SLC36A1: variants seen among roughly 807,000 people sequenced by gnomAD.
SLC36A1 encodes the protein solute carrier family 36 member 1, also known as proton-coupled amino acid transporter 1.
A neutral mutation model predicts 47.5 loss-of-function variants in SLC36A1; 30 were observed. The observed-to-expected ratio is 0.63, with a 90% CI of 0.47 to 0.86. The LOEUF (loss-of-function observed/expected upper bound fraction) is 0.86, where lower values mean the gene tolerates loss of function less well. SLC36A1 is among the 40% of genes least tolerant of loss of function. The probability of loss-of-function intolerance (pLI) is 0.00; values close to 1 mark genes in which losing one functional copy is unlikely to be tolerated. For missense variants in SLC36A1, 517 were observed against 606.0 expected, an observed-to-expected ratio of 0.85 and a Z score of 1.54; for synonymous variants, 255 against 249.7, an observed-to-expected ratio of 1.02 and a Z score of -0.20.
intron 10 of SLC36A1, among the ~76,000 whole-genome samples, chr5:151,486,866 T>C (rs1257452055): frequency 5.3e-5 from 8 of 152,196 alleles, no homozygotes; most frequent in African/African-American, 1.7e-4. Context: ...GATGTACTTT[T>C]CATGGCCAAA....
At chr5:151,509,710 G>C in the SLC36A1 span, 1 of 253,542 alleles carries the variant, frequency 3.9e-6, no homozygotes, top group East Asian at 8.3e-5. Context: ...ATGGTGAGTT[G>C]TATAATTACT....
the SLC36A1 span, chr5:151,505,371 T>C: frequency 4.5e-6 from 3 of 660,472 alleles, no homozygotes; most frequent in South Asian, 6.0e-5. Flanking sequence ...TTTCTGGAGC[T>C]CTATCCTCAG....
Position 151,476,676 on chromosome 5 carries a change from C to T in SLC36A1, c.909C>T (p.Tyr303=), listed in dbSNP as rs142518576. The T allele has an allele frequency of 7.9e-5, 128 of 1,613,594 alleles. No homozygotes were observed. The highest frequency in any genetic ancestry group is 1.0e-4 in the Non-Finnish European group (123 of 1,179,796). Residue 303 remains tyrosine (Y), a synonymous_variant, in exon 9 of 11, where the codon TAC becomes TAT. Transcript: ENST00000243389. ...GCATGGTCATCGTCACCATCCTCTA[C>T]ATCAGCCTGGGGTGTCTGGGGTACC... The part of the protein sequence containing the change: ...YLGMVIVTIL[Y]ISLGCLGYLQ...
chr5:151,370,650 C>T, the SLC36A1 span, among the ~76,000 whole-genome samples: 3 of 152,146 alleles, frequency 2.0e-5, no homozygotes, highest in Non-Finnish European at 4.4e-5. Context: ...AATATCAAAT[C>T]TGTACTTTCT....
At chr5:151,362,366 C>G in the SLC36A1 span, among the ~76,000 whole-genome samples, 4 of 146,258 alleles carry the variant, frequency 2.7e-5, no homozygotes, top group Admixed American at 2.7e-4. Flanking sequence ...CTTACTGATT[C>G]TTCCTTTGCT....
At chr5:151,387,866 C>T in the SLC36A1 span, among the ~76,000 whole-genome samples, 1 of 152,152 alleles carries the variant, frequency 6.6e-6, no homozygotes, top group African/African-American at 2.4e-5. Context: ...GGAAGCCATG[C>T]CCTACAGAGC....
the SLC36A1 span, among the ~76,000 whole-genome samples, chr5:151,519,460 C>A: frequency 3.3e-5 from 5 of 152,174 alleles, no homozygotes; most frequent in Non-Finnish European, 7.3e-5. Context: ...ATTCCCACCC[C>A]GGCTGGATAT....
the SLC36A1 span, among the ~76,000 whole-genome samples, chr5:151,358,555 C>T: frequency 6.6e-6 from 1 of 152,196 alleles, no homozygotes; most frequent in South Asian, 2.1e-4. Context: ...TAACACTTCT[C>T]ATCTGGTGCT....
chr5:151,552,076 G>C, the SLC36A1 span, among the ~76,000 whole-genome samples: 1 of 151,432 alleles, frequency 6.6e-6, no homozygotes, highest in Non-Finnish European at 1.5e-5. Flanking sequence ...CTTCTGATTG[G>C]TGGAACTTTA....
At chr5:151,422,244 A>C in the SLC36A1 span, 9 of 152,422 alleles carry the variant, frequency 5.9e-5, no homozygotes, top group African/African-American at 2.2e-4. Context: ...GGATGTGGGC[A>C]GAAGGAAGAG....
At chr5:151,451,431 G>T (rs1312114699) in intron 1 of SLC36A1, among the ~76,000 whole-genome samples, 1 of 152,090 alleles carries the variant, frequency 6.6e-6, no homozygotes, top group Non-Finnish European at 1.5e-5. Context: ...TAGGAAATCT[G>T]TCTGTGGGTT....
the SLC36A1 span, among the ~76,000 whole-genome samples, chr5:151,360,010 G>A: frequency 6.6e-5 from 10 of 152,172 alleles, no homozygotes; most frequent in East Asian, 3.8e-4. Context: ...TTTTGTGGAC[G>A]TAAGTTTTAT....
At chr5:151,357,553 G>A in the SLC36A1 span, among the ~76,000 whole-genome samples, 2 of 152,188 alleles carry the variant, frequency 1.3e-5, 1 homozygote, top group Admixed American at 1.3e-4. Context: ...GTAAACTATG[G>A]CCTATTGGCC....
At chr5:151,532,007 G>A in the SLC36A1 span, 19 of 1,607,044 alleles carry the variant, frequency 1.2e-5, no homozygotes, top group Non-Finnish European at 1.4e-5. Flanking sequence ...CACACTGAGG[G>A]CGCCTCCTCT....
the SLC36A1 span, among the ~76,000 whole-genome samples, chr5:151,393,003 A>G: frequency 0.49 from 74,599 of 150,918 alleles, 20,409 homozygotes; most frequent in African/African-American, 0.75. Flanking sequence ...ACAGTGGGGT[A>G]TTAAAGTCTC....
chr5:151,512,663 T>C, the SLC36A1 span: 2 of 1,438,632 alleles, frequency 1.4e-6, no homozygotes, highest in Non-Finnish European at 1.9e-6. The surrounding 1 kb of genome is among the most constrained non-coding windows in gnomAD (Gnocchi z 4.1). Flanking sequence ...GTAAACCTGC[T>C]AAGAGGCTGC....
chr5:151,476,212 C>A (rs923723575), intron 8 of SLC36A1, among the ~76,000 whole-genome samples: 11 of 152,374 alleles, frequency 7.2e-5, no homozygotes, highest in Admixed American at 6.5e-4. Context: ...AAGCTGTGAT[C>A]TCAGGTTAGA....
the SLC36A1 span, among the ~76,000 whole-genome samples, chr5:151,514,931 C>T: frequency 2.2e-3 from 338 of 152,220 alleles, 3 homozygotes; most frequent in Non-Finnish European, 3.7e-3. Context: ...GGTGTTATTG[C>T]TCTAATCTTT....
the SLC36A1 span, among the ~76,000 whole-genome samples, chr5:151,410,220 A>G: frequency 6.6e-6 from 1 of 151,484 alleles, no homozygotes; most frequent in Non-Finnish European, 1.5e-5. Flanking sequence ...CTGTATTACC[A>G]GCACAGTGGC....
Sources: gnomAD v4.1 joint callset for allele counts (sites outside exome capture counted in the v4.1 genomes callset) on GRCh38, gnomAD v4.1.1 for gene constraint, Gnocchi (gnomAD v3.1) non-coding constraint, MANE v1.5 for transcripts, NCBI Gene and HGNC (gene_info 2026-07-23, HGNC 2026-07-21) for gene names.